EPHB1: variants seen among roughly 807,000 people sequenced by gnomAD.
The protein encoded by EPHB1 is ephrin type-B receptor 1.
Under a neutral mutation model 94.4 loss-of-function variants are expected in EPHB1, and 30 were observed. That is an observed-to-expected ratio of 0.32 (90% CI 0.24 to 0.43). EPHB1 has a LOEUF of 0.43. Ranked by LOEUF, EPHB1 falls within the 20% of genes least tolerant of loss-of-function variation. The pLI is 1.00. For missense variants in EPHB1, 1,055 were observed against 1,308.3 expected, an observed-to-expected ratio of 0.81 and a Z score of 2.99; for synonymous variants, 522 against 489.1, an observed-to-expected ratio of 1.07 and a Z score of -0.89.
intron 1 of EPHB1, among the ~76,000 whole-genome samples, chr3:134,815,561 A>G (rs9844754): frequency 0.64 from 97,120 of 152,062 alleles, 32,601 homozygotes; most frequent in East Asian, 0.82. Flanking sequence ...CATTCATGCA[A>G]CTTTCTTGTG....
At chr3:135,093,101 C>CTG (rs1938617267) in intron 3 of EPHB1, among the ~76,000 whole-genome samples, 1 of 152,234 alleles carries the variant, frequency 6.6e-6, no homozygotes, top group Non-Finnish European at 1.5e-5. Flanking sequence ...ATATCTATCT[C>CTG]AGAGCACACA....
intron 3 of EPHB1, among the ~76,000 whole-genome samples, chr3:135,007,376 C>G (rs146065917): frequency 1.3e-5 from 2 of 152,052 alleles, no homozygotes; most frequent in Non-Finnish European, 2.9e-5. Flanking sequence ...TCTGAAGAAC[C>G]AGACACTCTT....
chr3:134,819,888 C>T (rs975635324), intron 1 of EPHB1, among the ~76,000 whole-genome samples: 8 of 152,186 alleles, frequency 5.3e-5, no homozygotes, highest in South Asian at 2.1e-4. Flanking sequence ...GTGGGCCCAG[C>T]GCAGGGGACA....
chr3:135,063,554 T>C (rs1207627000), intron 3 of EPHB1, among the ~76,000 whole-genome samples: 1 of 152,202 alleles, frequency 6.6e-6, no homozygotes, highest in Non-Finnish European at 1.5e-5. Context: ...CCAGAAACTT[T>C]GCTGAATTCT....
At chr3:134,882,490 G>A (rs958059951) in intron 1 of EPHB1, among the ~76,000 whole-genome samples, 1 of 152,166 alleles carries the variant, frequency 6.6e-6, no homozygotes, top group Non-Finnish European at 1.5e-5. Flanking sequence ...AAAGAAAAGA[G>A]AACAGAGGAA....
intron 1 of EPHB1, among the ~76,000 whole-genome samples, chr3:134,880,889 C>G (rs1316705025): frequency 1.3e-5 from 2 of 152,204 alleles, no homozygotes; most frequent in East Asian, 3.9e-4. Context: ...GGAATATTAT[C>G]GCTTTATCTG....
At chr3:135,039,720 C>G (rs539321520) in intron 3 of EPHB1, among the ~76,000 whole-genome samples, 1 of 152,220 alleles carries the variant, frequency 6.6e-6, no homozygotes, top group Non-Finnish European at 1.5e-5. Flanking sequence ...CTGGCTGCTT[C>G]GAGTGCGGGG....
intron 3 of EPHB1, among the ~76,000 whole-genome samples, chr3:135,054,003 A>G (rs1230690329): frequency 4.1e-5 from 6 of 146,918 alleles, no homozygotes; most frequent in African/African-American, 1.5e-4. Context: ...AAATATATAT[A>G]CATGTGCATA....
intron 1 of EPHB1, among the ~76,000 whole-genome samples, chr3:134,829,525 C>A (rs2036543073): frequency 6.6e-6 from 1 of 152,004 alleles, no homozygotes; most frequent in Non-Finnish European, 1.5e-5. Flanking sequence ...CTTCTTAGAG[C>A]TTCTTTCTGT....
At chr3:135,037,774 G>A (rs1388816329) in intron 3 of EPHB1, among the ~76,000 whole-genome samples, 2 of 152,176 alleles carry the variant, frequency 1.3e-5, no homozygotes, top group East Asian at 1.9e-4. Context: ...TTTCCTGGAG[G>A]TTTCATGATT....
At chr3:134,813,087 T>G (rs545696453) in intron 1 of EPHB1, among the ~76,000 whole-genome samples, 9 of 152,130 alleles carry the variant, frequency 5.9e-5, no homozygotes, top group African/African-American at 1.9e-4. Context: ...TTCCTGGAAG[T>G]GGGGAAGAGT....
intron 1 of EPHB1, among the ~76,000 whole-genome samples, chr3:134,830,183 C>A (rs1035026855): frequency 6.6e-6 from 1 of 152,192 alleles, no homozygotes; most frequent in Non-Finnish European, 1.5e-5. Context: ...TGTAATTGTT[C>A]TTTTCAGAAT....
At chr3:135,216,936 G>T (rs115204273) in intron 12 of EPHB1, among the ~76,000 whole-genome samples, 856 of 152,220 alleles carry the variant, frequency 5.6e-3, no homozygotes, top group Middle Eastern at 0.014. Context: ...GTAAATCACT[G>T]TTCAAGGAAA....
intron 1 of EPHB1, among the ~76,000 whole-genome samples, chr3:134,883,895 G>A (rs1367141834): frequency 6.6e-6 from 1 of 152,184 alleles, no homozygotes; most frequent in Non-Finnish European, 1.5e-5. Flanking sequence ...GCTGGGCATT[G>A]TACTAAATTC....
intron 3 of EPHB1, among the ~76,000 whole-genome samples, chr3:134,972,750 C>G (rs1934027690): frequency 6.6e-6 from 1 of 151,984 alleles, no homozygotes; most frequent in Non-Finnish European, 1.5e-5. Flanking sequence ...AAGAGGCAGG[C>G]TGGTTGGACA....
chr3:135,167,739 A>G (rs1941690022), intron 9 of EPHB1, among the ~76,000 whole-genome samples: 1 of 152,166 alleles, frequency 6.6e-6, no homozygotes, highest in South Asian at 2.1e-4. Context: ...CAGCAGACAC[A>G]TTCTGTTTCT....
chr3:134,881,666 C>T (rs558533336), intron 1 of EPHB1, among the ~76,000 whole-genome samples: 20 of 152,244 alleles, frequency 1.3e-4, no homozygotes, highest in South Asian at 1.0e-3. Context: ...GGGTGCTAAT[C>T]GGTTTATGGC....
At chr3:135,243,102 A>C (rs1205601694) in intron 13 of EPHB1, among the ~76,000 whole-genome samples, 3 of 151,666 alleles carry the variant, frequency 2.0e-5, no homozygotes, top group Non-Finnish European at 4.4e-5. Context: ...AAAGAAAAGA[A>C]AAGAAAAGAA....
At chr3:135,014,127 G>A (rs1935713023) in intron 3 of EPHB1, among the ~76,000 whole-genome samples, 1 of 152,170 alleles carries the variant, frequency 6.6e-6, no homozygotes, top group Non-Finnish European at 1.5e-5. Context: ...CTTCTGGGGA[G>A]CTAGGATGTG....
Sources: allele counts gnomAD v4.1 joint callset (sites outside exome capture counted in the v4.1 genomes callset), GRCh38; gene constraint gnomAD v4.1.1; transcripts MANE v1.5; gene names NCBI Gene and HGNC (gene_info 2026-07-23, HGNC 2026-07-21).